CRTC1: variants seen among roughly 807,000 people sequenced by gnomAD.
CRTC1 encodes CREB regulated transcription coactivator 1.
CRTC1 carries 18 observed loss-of-function variants against 66.1 expected under a neutral mutation model. The observed-to-expected ratio is 0.27, with a 90% confidence interval of 0.19 to 0.40. CRTC1 has a LOEUF of 0.40. Among genes scored for constraint, CRTC1 ranks in the 10% least tolerant of loss-of-function variants. The probability of loss-of-function intolerance (pLI) is 1.00; values close to 1 mark genes in which losing one functional copy is unlikely to be tolerated. For missense variants in CRTC1, 669 were observed against 887.9 expected (o/e 0.75, Z 3.13); for synonymous variants, 416 against 398.8 (o/e 1.04, Z -0.51).
intron 1 of CRTC1, among the ~76,000 whole-genome samples, chr19:18,720,677 C>G (rs896478909): frequency 6.6e-6 from 1 of 151,988 alleles, no homozygotes; most frequent in African/African-American, 2.4e-5. Context: ...AACTTTGGTA[C>G]TTTCAGTAGA....
intron 1 of CRTC1, among the ~76,000 whole-genome samples, chr19:18,734,916 G>A (rs2053965536): frequency 6.6e-6 from 1 of 152,198 alleles, no homozygotes; most frequent in African/African-American, 2.4e-5. Context: ...CATTCCCTGT[G>A]TACCCTGCGG....
chr19:18,733,171 C>T (rs866818221), intron 1 of CRTC1, among the ~76,000 whole-genome samples: 4 of 152,250 alleles, frequency 2.6e-5, no homozygotes, highest in Middle Eastern at 3.4e-3. Context: ...TCCTGTCTTC[C>T]CTTAGTGCCT....
At position 18,780,115 on chromosome 19, in the gene CRTC1, C is replaced by T; in HGVS notation, c.*2733C>T. 4.3e-6 allele frequency: 1 copy of T among 232,262 alleles called. No homozygotes were observed. Among genetic ancestry groups the T allele is most frequent in the Non-Finnish European group, 8.5e-6 (1 of 117,380 alleles). 14.4% of individuals were successfully genotyped at this position (232,262 alleles called of 1,614,324 possible). ...GAAAATACTGTGATTTGACGAGCCG[C>T]TTCCTGAGGGGCAGGCCCACGTGGG... On this transcript the variant is annotated 3_prime_UTR_variant, in exon 14 of 14. Coordinates refer to ENST00000321949, the MANE Select transcript of CRTC1 (RefSeq NM_015321.3).
rs78267214 is a variant in CRTC1, at chr19:18,779,704, C to T, written c.*2322C>T. On this transcript the variant is annotated 3_prime_UTR_variant, in exon 14 of 14. Transcript: ENST00000321949. The stretch of plus-strand genomic sequence containing the variant: ...ACAGATAGGAGAGGAGGGATGCCCA[C>T]CTCGGAGCATCCCAGGCCCGTGGCC... The T allele has an allele frequency of 0.016, 3,519 of 224,438 alleles. 128 individuals are homozygous for T. The highest frequency in any genetic ancestry group is 0.073 in the African/African-American group (3,293 of 44,864). 13.9% of individuals were successfully genotyped at this position (224,438 alleles called of 1,614,324 possible).
chr19:18,724,120 C>T (rs954977907), intron 1 of CRTC1, among the ~76,000 whole-genome samples: 11 of 152,132 alleles, frequency 7.2e-5, no homozygotes, highest in Non-Finnish European at 8.8e-5. Flanking sequence ...GGGCTCCAGG[C>T]GGGAACCGGC....
At chr19:18,737,896 T>G (rs1230030012) in intron 1 of CRTC1, among the ~76,000 whole-genome samples, 2 of 152,192 alleles carry the variant, frequency 1.3e-5, no homozygotes, top group Non-Finnish European at 2.9e-5. Flanking sequence ...ATCATTTTCT[T>G]TTCTTTAGCT....
intron 1 of CRTC1, among the ~76,000 whole-genome samples, chr19:18,726,929 GAAAAAAA>G (rs57708407): frequency 9.8e-4 from 110 of 111,906 alleles, no homozygotes; most frequent in Non-Finnish European, 1.6e-3. Flanking sequence ...CCGTCTTGGG[GAAAAAAA>G]AAAAAAAAAA....
chr19:18,693,905 A>G (rs994623578), intron 1 of CRTC1, among the ~76,000 whole-genome samples: 4 of 151,948 alleles, frequency 2.6e-5, no homozygotes, highest in Non-Finnish European at 5.9e-5. Context: ...AGGCCAAGGC[A>G]GGTGGACCAC....
At chr19:18,725,367 C>G (rs1172265858) in intron 1 of CRTC1, among the ~76,000 whole-genome samples, 1 of 152,192 alleles carries the variant, frequency 6.6e-6, no homozygotes, top group Non-Finnish European at 1.5e-5. Context: ...TGTCCAGCTC[C>G]CAGAATCCTT....
At chr19:18,752,353 C>T (rs901748803) in intron 5 of CRTC1, among the ~76,000 whole-genome samples, 2 of 152,112 alleles carry the variant, frequency 1.3e-5, no homozygotes, top group African/African-American at 2.4e-5. Flanking sequence ...GGGTCTTGCT[C>T]TGTCACACAG....
In CRTC1 at chr19:18,745,836, C is replaced by G. The variant is rs764924625; in HGVS notation, c.257C>G (p.Ser86Cys). The part of the protein sequence containing the change: ...MDLPFQTPFQ[S>C]SGLDTSRTTR... Reference sequence around the variant, plus strand: ...CTCCTCCCCCAGACCCCCTTCCAATCCTCGGGCCTGGACACCAGCCGGACC... The same window carrying G: ...CTCCTCCCCCAGACCCCCTTCCAATGCTCGGGCCTGGACACCAGCCGGACC... The change falls in exon 3 of 14, where the codon TCC (serine) becomes TGC (cysteine). Residue 86 changes from serine to cysteine, a missense_variant. Physicochemically the swap from Ser to Cys is moderately radical, Grantham distance 112. Coordinates refer to ENST00000321949, the MANE Select transcript of CRTC1 (RefSeq NM_015321.3). 1 of 1,613,918 alleles carries G rather than the reference C, an allele frequency of 6.2e-7. No homozygotes were observed. Among genetic ancestry groups the G allele is most frequent in the Non-Finnish European group, 8.5e-7 (1 of 1,179,938 alleles).
At position 18,777,583 on chromosome 19, in the gene CRTC1, A is replaced by G. The variant is rs1035294978; in HGVS notation, c.*201A>G. 7.6e-6 allele frequency: 4 copies of G among 527,688 alleles called. No homozygotes were observed. The highest frequency in any genetic ancestry group is 7.2e-5 in the East Asian group (2 of 27,692). 32.7% of individuals were successfully genotyped at this position (527,688 alleles called of 1,614,324 possible). On this transcript the variant is annotated 3_prime_UTR_variant, in exon 14 of 14. Transcript: ENST00000321949. This position sits in a 1 kb window ranked among gnomAD's most constrained non-coding sequence, Gnocchi z 5.5. ...AGGCCGCGAGCCGGGCCGTCCACCC[A>G]CCCGCCCGCCCAGGGCTGGGCTGGG...
At chr19:18,705,303 G>T (rs1290160635) in intron 1 of CRTC1, among the ~76,000 whole-genome samples, 1 of 151,882 alleles carries the variant, frequency 6.6e-6, no homozygotes, top group Non-Finnish European at 1.5e-5. Context: ...ACATGGGATT[G>T]CTGGATCATG....
In CRTC1 at chr19:18,734,646, C is replaced by G. The variant is rs2053960023; in HGVS notation, c.127-8264C>G. On this transcript the variant is annotated intron_variant, in intron 1 of 13. Coordinates refer to ENST00000321949, the MANE Select transcript of CRTC1 (RefSeq NM_015321.3). The stretch of plus-strand genomic sequence containing the variant: ...TGAGCCCTGATCGTGCCGCTGTACT[C>G]CAGCCTGGGCCACAGACAAAGACCC... Among the ~76,000 whole-genome samples, 7 of 152,172 alleles carry G rather than the reference C, an allele frequency of 4.6e-5. No individual in the cohort carries two copies. The South Asian group carries it at 1.4e-3, about 31-fold the overall frequency.
chr19:18,698,235 AGCAGGCAC>A (rs1371642971), intron 1 of CRTC1, among the ~76,000 whole-genome samples: 1 of 150,488 alleles, frequency 6.6e-6, no homozygotes, highest in Non-Finnish European at 1.5e-5. Context: ...GTGTGTACTC[AGCAGGCAC>A]TCAGCAGGCA....
Position 18,768,799 on chromosome 19 carries a change from C to G in CRTC1, c.1320+6C>G. 6.3e-7 allele frequency: 1 copy of G among 1,593,074 alleles called. No homozygotes were observed. On this transcript the variant is annotated splice_donor_region_variant and intron_variant, in intron 10 of 13. Coordinates refer to ENST00000321949, the MANE Select transcript of CRTC1 (RefSeq NM_015321.3). This position sits in a 1 kb window ranked among gnomAD's most constrained non-coding sequence, Gnocchi z 5.6. ...TGGGGATCGACATCGCCTCGGTAAG[C>G]CCAGGGTGGGGTCCCTCGGGGCCTG... is the stretch of plus-strand genomic sequence containing the variant.
chr19:18,742,048 C>T (rs1358532101), intron 1 of CRTC1, among the ~76,000 whole-genome samples: 5 of 152,308 alleles, frequency 3.3e-5, no homozygotes, highest in East Asian at 3.9e-4. Flanking sequence ...CCTCTCCTCA[C>T]GGTGGCTGCC....
chr19:18,759,785 T>C (rs931395331), intron 7 of CRTC1, among the ~76,000 whole-genome samples, 194 bp downstream of exon 7: 2 of 151,936 alleles, frequency 1.3e-5, no homozygotes, highest in Admixed American at 1.3e-4. Context: ...CTCTCCTGGG[T>C]TCAGGGAGGT....
chr19:18,696,931 T>TG (rs2053003904), intron 1 of CRTC1, among the ~76,000 whole-genome samples: 5 of 71,164 alleles, frequency 7.0e-5, no homozygotes, highest in Non-Finnish European at 1.1e-4. Flanking sequence ...AGGGGAGGGG[T>TG]GGGGGGTAGG....
Sources: gnomAD v4.1 joint callset for allele counts (sites outside exome capture counted in the v4.1 genomes callset) on GRCh38, gnomAD v4.1.1 for gene constraint, Gnocchi (gnomAD v3.1) non-coding constraint, MANE v1.5 for transcripts, NCBI Gene and HGNC (gene_info 2026-07-23, HGNC 2026-07-21) for gene names.